The following DDX46 variants were observed in gnomAD, a reference collection of about 807,000 sequenced individuals.
The protein encoded by DDX46 is DEAD-box helicase 46.
Under a neutral mutation model 134.9 loss-of-function variants are expected in DDX46, and 30 were observed. That is an observed-to-expected ratio of 0.22 (90% CI 0.17 to 0.30). DDX46 has a LOEUF of 0.30. Among genes scored for constraint, DDX46 ranks in the 10% least tolerant of loss-of-function variants. The pLI is 1.00. For missense variants in DDX46, 622 were observed against 1,248.7 expected, an observed-to-expected ratio of 0.50 and a Z score of 7.56; for synonymous variants, 415 against 404.1, an observed-to-expected ratio of 1.03 and a Z score of -0.32.
intron 2 of DDX46, among the ~76,000 whole-genome samples, chr5:134,764,685 A>T (rs1420169956): frequency 6.6e-6 from 1 of 152,244 alleles, no homozygotes; most frequent in East Asian, 1.9e-4. Context: ...AGTAAAAAGT[A>T]AAGTAATAAG....
At position 134,808,130 on chromosome 5, in the gene DDX46, T is replaced by C. The variant is rs140661079; in HGVS notation, c.2148+189T>C. Among the ~76,000 whole-genome samples the C allele has an allele frequency of 2.6e-4, 40 of 152,346 alleles. No homozygotes were observed. The East Asian group carries it at 7.7e-3, about 29-fold the overall frequency. On this transcript the variant is annotated intron_variant, in intron 16 of 22. Transcript: ENST00000452510. Reference sequence around the variant, plus strand: ...TCTAAGTGTTGTTCAAATTATCAGATACCTAGCTGCTCTTTGTAGGCAGAT... The same window carrying C: ...TCTAAGTGTTGTTCAAATTATCAGACACCTAGCTGCTCTTTGTAGGCAGAT...
intron 4 of DDX46, among the ~76,000 whole-genome samples, chr5:134,771,466 G>A (rs1187755292): frequency 2.8e-5 from 4 of 144,856 alleles, no homozygotes; most frequent in African/African-American, 1.0e-4. Flanking sequence ...GCCGAGGCGG[G>A]TGGATCATGA....
At chr5:134,781,836 A>G in intron 7 of DDX46, 85 bp from the exon 8 acceptor site, 2 of 1,297,834 alleles carry the variant, frequency 1.5e-6, no homozygotes, top group Non-Finnish European at 2.1e-6. Flanking sequence ...TAGGAGAGGA[A>G]GATTTGAAAA....
chr5:134,768,389 C>T (rs142252552), intron 3 of DDX46, among the ~76,000 whole-genome samples: 21 of 151,488 alleles, frequency 1.4e-4, no homozygotes, highest in African/African-American at 4.8e-4. Context: ...GGATTAAAGG[C>T]GTGAGCCACC....
At chr5:134,791,943 C>T (rs1294698282) in intron 13 of DDX46, among the ~76,000 whole-genome samples, 5 of 152,060 alleles carry the variant, frequency 3.3e-5, no homozygotes, top group African/African-American at 7.2e-5. Flanking sequence ...TTTGGGAGGC[C>T]GAGGCAGGCA....
intron 3 of DDX46, among the ~76,000 whole-genome samples, chr5:134,767,630 C>T (rs1184612873): frequency 2.0e-5 from 3 of 151,656 alleles, no homozygotes; most frequent in Non-Finnish European, 4.4e-5. Context: ...CCTGAGCCAC[C>T]GCGCCCAGCC....
chr5:134,788,661 C>G, intron 12 of DDX46, 70 bp downstream of exon 12: 2 of 1,340,354 alleles, frequency 1.5e-6, no homozygotes, highest in South Asian at 2.4e-5. Context: ...AAAACAGATG[C>G]AAGAAACCAA....
intron 1 of DDX46, among the ~76,000 whole-genome samples, chr5:134,761,302 G>A (rs1056115951): frequency 2.6e-5 from 4 of 152,236 alleles, no homozygotes; most frequent in African/African-American, 9.6e-5. Flanking sequence ...TGGGATTACA[G>A]GCATGAGCCG....
chr5:134,759,004 C>A (rs200538365), intron 1 of DDX46, 49 bp downstream of exon 1: 72 of 1,602,142 alleles, frequency 4.5e-5, no homozygotes, highest in Non-Finnish European at 1.6e-5. Context: ...TTCTTGGGGT[C>A]GTGAGAAGAG....
intron 18 of DDX46, among the ~76,000 whole-genome samples, chr5:134,812,907 G>A (rs577167901): frequency 1.4e-4 from 21 of 151,950 alleles, no homozygotes; most frequent in African/African-American, 5.1e-4. Flanking sequence ...CATAGTGTTG[G>A]GATTATAGGT....
At chr5:134,799,716 C>T (rs1280415808) in intron 15 of DDX46, among the ~76,000 whole-genome samples, 8 of 142,772 alleles carry the variant, frequency 5.6e-5, no homozygotes, top group South Asian at 4.4e-4. Context: ...CTGGTGTGGG[C>T]GACAAAAGCG....
Position 134,785,528 on chromosome 5 carries a change from C to T in DDX46, c.1406C>T (p.Ser469Phe), listed in dbSNP as rs1274600283. 6.2e-7 allele frequency: 1 copy of T among 1,613,876 alleles called. No individual in the cohort carries two copies. ...LQITKECKKFSKTLGLRVVCV... is the reference protein window; with the variant it reads ...LQITKECKKFFKTLGLRVVCV... The stretch of plus-strand genomic sequence containing the variant: ...ATTACTAAAGAGTGTAAGAAGTTTT[C>T]CAAGACTTTGGGACTTAGAGTGGTC... The change falls in exon 11 of 23, where the codon TCC (serine) becomes TTC (phenylalanine). Residue 469 changes from serine (S) to phenylalanine (F), a missense_variant. Coordinates refer to ENST00000452510, the MANE Select transcript of DDX46 (RefSeq NM_001300860.2).
chr5:134,808,828 C>T (rs1036168642), intron 16 of DDX46, among the ~76,000 whole-genome samples: 3 of 152,168 alleles, frequency 2.0e-5, no homozygotes, highest in Non-Finnish European at 2.9e-5. Flanking sequence ...TAACCCTGTA[C>T]ATTGCATAAT....
At chr5:134,786,610 C>T (rs1055761341) in intron 11 of DDX46, among the ~76,000 whole-genome samples, 3 of 151,998 alleles carry the variant, frequency 2.0e-5, no homozygotes, top group East Asian at 3.9e-4. Flanking sequence ...TTTGAGAGGC[C>T]GAAGCGGGTG....
Position 134,829,071 on chromosome 5 carries a change from A to G in DDX46, c.*365A>G, listed in dbSNP as rs1755667222. The stretch of plus-strand genomic sequence containing the variant: ...CTATTCACTTTATCCTGTACTTTCA[A>G]TGAAATTGTGATCATTTCCTAAGAA... On this transcript the variant is annotated 3_prime_UTR_variant, in exon 23 of 23. Coordinates refer to ENST00000452510, the MANE Select transcript of DDX46 (RefSeq NM_001300860.2). 6.2e-6 allele frequency: 1 copy of G among 160,800 alleles called. No individual in the cohort carries two copies. Among genetic ancestry groups the G allele is most frequent in the Non-Finnish European group, 1.4e-5 (1 of 73,782 alleles). 10.0% of individuals were successfully genotyped at this position (160,800 alleles called of 1,614,324 possible).
Position 134,767,103 on chromosome 5 carries a change from C to A in DDX46, c.350+43C>A, listed in dbSNP as rs775979979. 7 of 1,545,106 alleles carry A rather than the reference C, an allele frequency of 4.5e-6. No individual in the cohort carries two copies. The South Asian group carries it at 8.6e-5, about 19-fold the overall frequency. ...CTGCATCTATAGTGCAGACTGGGGA[C>A]TGCTTCCCTTCTCTGCGCCTTTTTT... On this transcript the variant is annotated intron_variant, in intron 3 of 22. Coordinates refer to ENST00000452510, the MANE Select transcript of DDX46 (RefSeq NM_001300860.2).
chr5:134,816,393 C>T, intron 18 of DDX46, 37 bp from the exon 19 acceptor site: 4 of 1,527,152 alleles, frequency 2.6e-6, no homozygotes, highest in Non-Finnish European at 3.5e-6. Context: ...ATTTCTAATT[C>T]AGTTTTTTAC....
chr5:134,790,007 A>C, intron 12 of DDX46: 1 of 449,580 alleles, frequency 2.2e-6, no homozygotes, highest in Non-Finnish European at 4.5e-6. Flanking sequence ...GAAGTAGGTT[A>C]TAAAATAATA....
chr5:134,768,015 C>T (rs576663798), intron 3 of DDX46, among the ~76,000 whole-genome samples: 16 of 151,286 alleles, frequency 1.1e-4, no homozygotes, highest in South Asian at 8.4e-4. Context: ...TAGCAGTGGA[C>T]AGACAGATTA....
Sources: gnomAD v4.1 joint callset for allele counts (sites outside exome capture counted in the v4.1 genomes callset) on GRCh38, gnomAD v4.1.1 for gene constraint, MANE v1.5 for transcripts, NCBI Gene and HGNC (gene_info 2026-07-23, HGNC 2026-07-21) for gene names.